KIF4A: variants seen among roughly 807,000 people sequenced by gnomAD.
KIF4A encodes the protein chromosome-associated kinesin KIF4A.
In KIF4A, 7 loss-of-function variants were observed where a neutral mutation model predicts 105.9. The observed-to-expected ratio is 0.07, with a 90% confidence interval of 0.04 to 0.12. The LOEUF is 0.12. Ranked by LOEUF, KIF4A falls within the 10% of genes least tolerant of loss-of-function variation. KIF4A has a pLI of 1.00. For synonymous variants in KIF4A, 281 were observed against 331.3 expected (o/e 0.85, Z 1.65); for missense variants, 558 against 929.2 (o/e 0.60, Z 5.19).
intron 15 of KIF4A, among the ~76,000 whole-genome samples, chrX:70,366,895 G>T (rs1474721198): frequency 9.4e-6 from 1 of 105,916 alleles, no homozygotes; most frequent in African/African-American, 3.4e-5. Context: ...AAGTCTCTTT[G>T]TAGGTCTCTA....
chrX:70,292,758 G>T (rs1001674862), intron 3 of KIF4A, among the ~76,000 whole-genome samples: 2 of 111,928 alleles, frequency 1.8e-5, no homozygotes, highest in Admixed American at 9.5e-5. Context: ...TATCTGGTCA[G>T]ATTCCTCAGG....
At chrX:70,300,144 G>A (rs1469033933) in intron 5 of KIF4A, among the ~76,000 whole-genome samples, 1 of 111,735 alleles carries the variant, frequency 8.9e-6, no homozygotes, top group Non-Finnish European at 1.9e-5. Context: ...GGGTACCAGT[G>A]AGGGACAGGT....
chrX:70,356,957 T>C (rs1036436820), intron 15 of KIF4A, among the ~76,000 whole-genome samples: 17 of 112,372 alleles, frequency 1.5e-4, no homozygotes, highest in African/African-American at 5.5e-4. Context: ...TATAGCTCTT[T>C]GTATTTGCTA....
intron 15 of KIF4A, among the ~76,000 whole-genome samples, chrX:70,368,274 T>C (rs1310710922): frequency 1.8e-5 from 2 of 112,197 alleles, no homozygotes; most frequent in Admixed American, 1.9e-4. Context: ...CGTCCAGCTT[T>C]GCTCCATTGC....
chrX:70,416,174 A>G (rs905592086), intron 28 of KIF4A, among the ~76,000 whole-genome samples: 5 of 109,118 alleles, frequency 4.6e-5, no homozygotes, highest in African/African-American at 1.7e-4. Context: ...GCCAGGATGC[A>G]TTATTTCAAA....
At position 70,417,977 on chromosome X, in the gene KIF4A, A is replaced by G. The variant is rs2086351055; in HGVS notation, c.3345A>G (p.Thr1115=). The G allele has an allele frequency of 5.8e-6, 7 of 1,210,344 alleles. No individual in the cohort carries two copies. Among genetic ancestry groups the G allele is most frequent in the East Asian group, 3.0e-5 (1 of 33,806 alleles). ...GTGTGGACTGTTGCTGTGACCCCACAAAGTGTCGGAACCGCCAGCAAGGCA... is the reference window on the plus strand; with the variant it reads ...GTGTGGACTGTTGCTGTGACCCCACGAAGTGTCGGAACCGCCAGCAAGGCA... ...DCGVDCCCDP[T]KCRNRQQGKD... The change falls in exon 29 of 31, where the codon ACA becomes ACG. Residue 1115 remains threonine (T), a synonymous_variant. Coordinates refer to ENST00000374403, the MANE Select transcript of KIF4A (RefSeq NM_012310.5).
chrX:70,302,043 A>G lies in KIF4A; in HGVS notation c.660A>G (p.Leu220=), dbSNP rs368141479. 2.5e-6 allele frequency: 3 copies of G among 1,211,052 alleles called. No homozygotes were observed. Among genetic ancestry groups the G allele is most frequent in the Non-Finnish European group, 3.4e-6 (3 of 895,289 alleles). The change falls in exon 6 of 31, where the codon TTA becomes TTG. Residue 220 remains leucine (L), a synonymous_variant. Coordinates refer to ENST00000374403, the MANE Select transcript of KIF4A (RefSeq NM_012310.5). ...CTCATGCCATCTTTACAATCTCCTT[A>G]GAGCAAAGAAAGAAAAGTGACAAGT... ...SRSHAIFTIS[L]EQRKKSDKNS...
intron 10 of KIF4A, among the ~76,000 whole-genome samples, chrX:70,339,403 A>G (rs1332394591): frequency 1.8e-5 from 2 of 111,623 alleles, no homozygotes; most frequent in African/African-American, 6.5e-5. Flanking sequence ...ATTACATTTT[A>G]TTCTCACTAT....
chrX:70,339,569 A>C (rs898376973), intron 10 of KIF4A, among the ~76,000 whole-genome samples: 1 of 112,885 alleles, frequency 8.9e-6, no homozygotes, highest in Non-Finnish European at 1.9e-5. Context: ...AATTAAACTT[A>C]ATTGTTCAAT....
chrX:70,297,303 T>C lies in KIF4A; in HGVS notation c.426+115T>C, dbSNP rs778812971. Reference sequence around the variant, plus strand: ...AATTAGTAAGTTGCATTTTAATTAATTGATAGAGAAAACTTACTGACTCAG... The same window carrying C: ...AATTAGTAAGTTGCATTTTAATTAACTGATAGAGAAAACTTACTGACTCAG... On this transcript the variant is annotated intron_variant, in intron 4 of 30. Coordinates refer to ENST00000374403, the MANE Select transcript of KIF4A (RefSeq NM_012310.5). The C allele has an allele frequency of 7.5e-6, 5 of 665,507 alleles. No homozygotes were observed. The East Asian group carries it at 1.4e-4, about 19-fold the overall frequency. 54.8% of individuals were successfully genotyped at this position (665,507 alleles called of 1,213,427 possible). A position where few individuals can be genotyped will look rare whatever the true frequency, so the allele number is the denominator to read the frequency against.
intron 7 of KIF4A, among the ~76,000 whole-genome samples, chrX:70,320,617 A>T (rs1320246510): frequency 1.8e-5 from 2 of 112,089 alleles, no homozygotes; most frequent in Non-Finnish European, 3.8e-5. Flanking sequence ...GTGGGAGCTA[A>T]AAACAAGGGT....
At chrX:70,384,024 T>A (rs2086207484) in intron 18 of KIF4A, among the ~76,000 whole-genome samples, 1 of 112,059 alleles carries the variant, frequency 8.9e-6, no homozygotes, top group Non-Finnish European at 1.9e-5. Context: ...TCATGTACTT[T>A]AAATGAGTGA....
chrX:70,405,162 A>T (rs1338466521), intron 25 of KIF4A, among the ~76,000 whole-genome samples: 2 of 111,536 alleles, frequency 1.8e-5, no homozygotes, highest in African/African-American at 6.5e-5. Flanking sequence ...TTCAAATGGT[A>T]TGAAGAGCTT....
At chrX:70,318,322 T>C (rs2085877880) in intron 7 of KIF4A, among the ~76,000 whole-genome samples, 1 of 112,540 alleles carries the variant, frequency 8.9e-6, no homozygotes, top group African/African-American at 3.2e-5. Flanking sequence ...TAAAATGATA[T>C]TTGAGAGATT....
intron 22 of KIF4A, among the ~76,000 whole-genome samples, chrX:70,399,657 A>C (rs1333013414): frequency 9.2e-6 from 1 of 108,192 alleles, no homozygotes; most frequent in Non-Finnish European, 1.9e-5. Flanking sequence ...AGAGAATATA[A>C]AAAAGTTTAT....
chrX:70,406,221 G>A (rs1167289763), intron 26 of KIF4A, 38 bp from the exon 27 acceptor site: 1 of 1,105,286 alleles, frequency 9.0e-7, no homozygotes, highest in African/African-American at 1.8e-5. Flanking sequence ...CCCAGAAGCT[G>A]CCCTGCATTA....
chrX:70,365,038 C>T (rs1416953850), intron 15 of KIF4A, among the ~76,000 whole-genome samples: 1 of 111,351 alleles, frequency 9.0e-6, no homozygotes, highest in East Asian at 2.8e-4. Context: ...ATTTGGCTCT[C>T]TGTTTGTCTG....
chrX:70,317,567 A>G (rs2085874259), intron 7 of KIF4A, among the ~76,000 whole-genome samples: 1 of 76,196 alleles, frequency 1.3e-5, no homozygotes, highest in Non-Finnish European at 2.4e-5. Flanking sequence ...TTTTTTTGAG[A>G]CAGGGTCTCG....
At chrX:70,415,897 C>T (rs1299037751) in intron 28 of KIF4A, among the ~76,000 whole-genome samples, 1 of 67,284 alleles carries the variant, frequency 1.5e-5, no homozygotes, top group Admixed American at 2.3e-4. Flanking sequence ...GACGGAGTTT[C>T]ACTCTTGTCG....
Sources: allele counts gnomAD v4.1 joint callset (sites outside exome capture counted in the v4.1 genomes callset), GRCh38; gene constraint gnomAD v4.1.1; transcripts MANE v1.5; gene names NCBI Gene and HGNC (gene_info 2026-07-23, HGNC 2026-07-21).